Variants in WRAP73 observed in about 807,000 individuals in gnomAD.
WRAP73 encodes WD repeat containing, antisense to TP73.
In WRAP73, 55 loss-of-function variants were observed where a neutral mutation model predicts 59.6. That is an observed-to-expected ratio of 0.92 (90% CI 0.74 to 1.15). The LOEUF (loss-of-function observed/expected upper bound fraction) is 1.15, where lower values mean the gene tolerates loss of function less well. Among genes scored for constraint, WRAP73 ranks in the 50% most tolerant of loss-of-function variants. The pLI is 0.00. For missense variants in WRAP73, 592 were observed against 608.1 expected, an observed-to-expected ratio of 0.97 and a Z score of 0.28; for synonymous variants, 265 against 258.2, an observed-to-expected ratio of 1.03 and a Z score of -0.25.
At chr1:3,640,951 C>G (rs1419855497) in intron 3 of WRAP73, among the ~76,000 whole-genome samples, 2 of 152,258 alleles carry the variant, frequency 1.3e-5, no homozygotes, top group African/African-American at 4.8e-5. Context: ...TTAGGAAACA[C>G]AGGGAGCACT....
At chr1:3,642,801 C>T (rs1644659079) in intron 3 of WRAP73, among the ~76,000 whole-genome samples, 1 of 151,542 alleles carries the variant, frequency 6.6e-6, no homozygotes, top group African/African-American at 2.4e-5. Flanking sequence ...CCACAGTGTG[C>T]CCCACTACGT....
chr1:3,637,894 AT>A (rs1218974319), intron 4 of WRAP73, among the ~76,000 whole-genome samples: 1 of 152,182 alleles, frequency 6.6e-6, no homozygotes, highest in Non-Finnish European at 1.5e-5. Flanking sequence ...TTAAACTCTT[AT>A]TTTCCAGTTC....
chr1:3,645,550 C>G (rs909840488), intron 3 of WRAP73, among the ~76,000 whole-genome samples: 1 of 151,772 alleles, frequency 6.6e-6, no homozygotes, highest in Non-Finnish European at 1.5e-5. Flanking sequence ...GCGGGATGGG[C>G]GGGTTACCGA....
intron 3 of WRAP73, among the ~76,000 whole-genome samples, chr1:3,643,137 G>A (rs779411936): frequency 4.6e-5 from 7 of 152,242 alleles, no homozygotes; most frequent in South Asian, 4.1e-4. Flanking sequence ...TCCTCACGAG[G>A]AAGGGAAGGC....
At position 3,646,585 on chromosome 1, in the gene WRAP73, C is replaced by A. The variant is rs1452555551; in HGVS notation, c.339+81G>T. ...GGAGACTAGCATACTCCAAACACAC[C>A]CCCTCTCGCACTCCCCAGCTGTTTC... On this transcript the variant is annotated intron_variant, in intron 3 of 11. Transcript: ENST00000270708. The surrounding 1 kb of genome is among the most constrained non-coding windows in gnomAD (Gnocchi z 5.1). 2.6e-6 allele frequency: 3 copies of A among 1,166,118 alleles called. No individual in the cohort carries two copies. The highest frequency in any genetic ancestry group is 2.3e-5 in the Admixed American group (1 of 43,074). 72.2% of individuals were successfully genotyped at this position (1,166,118 alleles called of 1,614,324 possible).
In WRAP73 at chr1:3,639,245, G is replaced by T. The variant is rs1644615794; in HGVS notation, c.340-423C>A. The T allele has an allele frequency of 5.3e-6, 1 of 190,246 alleles. No individual in the cohort carries two copies. Among genetic ancestry groups the T allele is most frequent in the Non-Finnish European group, 1.1e-5 (1 of 92,480 alleles). The allele number at this position is 190,246 out of a possible 1,614,324, so 11.8% of individuals were successfully genotyped here. The stretch of plus-strand genomic sequence containing the variant: ...GCAGCCACTCCGGGACTCACCAGGG[G>T]GCTGTGAGCCTGCATCTGCAGCCCT... On this transcript the variant is annotated intron_variant, in intron 3 of 11. Coordinates refer to ENST00000270708, the MANE Select transcript of WRAP73 (RefSeq NM_017818.4). This position sits in a 1 kb window ranked among gnomAD's most constrained non-coding sequence, Gnocchi z 4.3.
At chr1:3,631,777 C>T (rs944952638) in intron 10 of WRAP73, 120 bp from the exon 11 acceptor site, 230 of 1,455,030 alleles carry the variant, frequency 1.6e-4, no homozygotes, top group Middle Eastern at 2.5e-4. Flanking sequence ...TGGGGTGGGG[C>T]GGCTGCACCC....
Position 3,646,714 on chromosome 1 carries a change from C to G in WRAP73, c.291G>C (p.Ser97=). 1 of 1,608,894 alleles carries G rather than the reference C, an allele frequency of 6.2e-7. No homozygotes were observed. Among genetic ancestry groups the G allele is most frequent in the South Asian group, 1.1e-5 (1 of 90,892 alleles). Residue 97 remains serine (S), a synonymous_variant, in exon 3 of 12, where the codon TCG becomes TCC. Coordinates refer to ENST00000270708, the MANE Select transcript of WRAP73 (RefSeq NM_017818.4). This position sits in a 1 kb window ranked among gnomAD's most constrained non-coding sequence, Gnocchi z 5.1. ...TGTGGCGCCCGTCCGGGCTCCAGCA[C>G]GAGGCCACCAGCCCGGCTGAGCCCT... ...IDEGSAGLVA[S]CWSPDGRHIL... is the part of the protein sequence containing the mutation.
chr1:3,649,959 C>A lies in WRAP73; in HGVS notation c.41G>T (p.Cys14Phe). The A allele has an allele frequency of 2.5e-6, 4 of 1,603,934 alleles. No homozygotes were observed. Among genetic ancestry groups the A allele is most frequent in the Non-Finnish European group, 3.4e-6 (4 of 1,176,454 alleles). ...GTACTTGCCGTCCGGGGAGAACTTG[C>A]AGAGTAAGCTGGAGAGCTTGAATAC... ...SEVFKLSSLLCKFSPDGKYLA... is the reference protein window; with the variant it reads ...SEVFKLSSLLFKFSPDGKYLA... The change falls in exon 1 of 12, where the codon TGC becomes TTC. Residue 14 changes from cysteine to phenylalanine, a missense_variant. By Grantham distance (205) the Cys-to-Phe change is radical. Transcript: ENST00000270708.
Position 3,646,907 on chromosome 1 carries a change from C to G in WRAP73, c.223-125G>C, listed in dbSNP as rs1038069953. The G allele has an allele frequency of 4.0e-6, 3 of 742,032 alleles. No individual in the cohort carries two copies. The highest frequency in any genetic ancestry group is 1.8e-5 in the African/African-American group (1 of 55,892). The allele number at this position is 742,032 out of a possible 1,614,324, so 46.0% of individuals were successfully genotyped here. A position where few individuals can be genotyped will look rare whatever the true frequency, so the allele number is the denominator to read the frequency against. On this transcript the variant is annotated intron_variant, in intron 2 of 11. Coordinates refer to ENST00000270708, the MANE Select transcript of WRAP73 (RefSeq NM_017818.4). The surrounding 1 kb of genome is among the most constrained non-coding windows in gnomAD (Gnocchi z 5.1). ...GGGTGTCTTCAAACTCATCAGCAGTCTATAGCGAGGCCTCGCCGAGAGACA... is the reference window on the plus strand; with the variant it reads ...GGGTGTCTTCAAACTCATCAGCAGTGTATAGCGAGGCCTCGCCGAGAGACA...
At chr1:3,635,466 A>G in intron 6 of WRAP73, 172 bp from the exon 7 acceptor site, 1 of 819,398 alleles carries the variant, frequency 1.2e-6, no homozygotes, top group Admixed American at 2.9e-5. Context: ...AGTCACGGAG[A>G]GGCAGTGAGA....
Position 3,635,173 on chromosome 1 carries a change from C to CTCCCAACTGCCAGGA in WRAP73, c.710_724dup (p.Gly241_Ser242insIleLeuAlaValGly), listed in dbSNP as rs745434780. ...ACTGGTTCCCACCTTTCCATCATAG[C>CTCCCAACTGCCAGGA]TCCCAACTGCCAGGAACTGACTGCT... On this transcript the variant is annotated inframe_insertion, in exon 7 of 12. Transcript: ENST00000270708. 2 of 1,614,138 alleles carry CTCCCAACTGCCAGGA rather than the reference C, an allele frequency of 1.2e-6. No homozygotes were observed. Among genetic ancestry groups the CTCCCAACTGCCAGGA allele is most frequent in the Non-Finnish European group, 1.7e-6 (2 of 1,180,040 alleles).
rs139602470 is a variant in WRAP73 at position 3,638,205 on chromosome 1, C to T, written c.412+545G>A. 3.2e-3 allele frequency among the ~76,000 whole-genome samples: 495 copies of T among 152,380 alleles called. 1 individual carries two copies. Among genetic ancestry groups the T allele is most frequent in the African/African-American group, 0.012 (480 of 41,596 alleles). ...AGTGGCACCTCCCACTAGCTCTGCG[C>T]GGTCCAGTTAGACGCGCTGGCAGTG... is the stretch of plus-strand genomic sequence containing the variant. On this transcript the variant is annotated intron_variant, in intron 4 of 11. Transcript: ENST00000270708.
chr1:3,642,789 C>T (rs2101967359), intron 3 of WRAP73, among the ~76,000 whole-genome samples: 1 of 150,882 alleles, frequency 6.6e-6, no homozygotes, highest in East Asian at 1.9e-4. Context: ...TGGATTCAGA[C>T]CCCACAGTGT....
At position 3,634,644 on chromosome 1, in the gene WRAP73, A is replaced by G. The variant is rs1319853251; in HGVS notation, c.816+353T>C. The G allele has an allele frequency of 2.2e-4, 68 of 316,190 alleles. 1 individual carries two copies. The Admixed American group carries it at 2.9e-3, about 14-fold the overall frequency. 19.6% of individuals were successfully genotyped at this position (316,190 alleles called of 1,614,324 possible). On this transcript the variant is annotated intron_variant, in intron 8 of 11. Coordinates refer to ENST00000270708, the MANE Select transcript of WRAP73 (RefSeq NM_017818.4). ...CTTCTCTGGCTGCGGCCCAGAGCAC[A>G]GTGCCTGGCACGACAGCAGATGCCC...
chr1:3,638,353 A>G (rs893818821), intron 4 of WRAP73, among the ~76,000 whole-genome samples: 1 of 152,040 alleles, frequency 6.6e-6, no homozygotes, highest in Admixed American at 6.6e-5. Context: ...CCTTTCGCAG[A>G]CATCATATTT....
chr1:3,648,379 T>C (rs1644710804), intron 1 of WRAP73, among the ~76,000 whole-genome samples: 1 of 152,226 alleles, frequency 6.6e-6, no homozygotes, highest in Admixed American at 6.5e-5. Flanking sequence ...GTTTGTGTTT[T>C]ATGAACCGAT....
intron 3 of WRAP73, among the ~76,000 whole-genome samples, chr1:3,645,222 A>G (rs1314349594): frequency 6.6e-6 from 1 of 152,246 alleles, no homozygotes; most frequent in African/African-American, 2.4e-5. Context: ...CAGCTTGAAA[A>G]AAGCCGAATG....
chr1:3,645,418 G>A (rs1157590960), intron 3 of WRAP73, among the ~76,000 whole-genome samples: 1 of 141,938 alleles, frequency 7.0e-6, no homozygotes, highest in African/African-American at 2.8e-5. Flanking sequence ...CGTGGTGTGC[G>A]CGGCGCAGCG....
Sources: gnomAD v4.1 joint callset for allele counts (sites outside exome capture counted in the v4.1 genomes callset) on GRCh38, gnomAD v4.1.1 for gene constraint, Gnocchi (gnomAD v3.1) non-coding constraint, MANE v1.5 for transcripts, NCBI Gene and HGNC (gene_info 2026-07-23, HGNC 2026-07-21) for gene names.